Variants in ADAMTSL1 observed in about 807,000 individuals in gnomAD.
The protein encoded by ADAMTSL1 is ADAMTS-like protein 1.
ADAMTSL1 carries 126 observed loss-of-function variants against 201.8 expected under a neutral mutation model. That is an observed-to-expected ratio of 0.62 (90% CI 0.54 to 0.72). The LOEUF (loss-of-function observed/expected upper bound fraction) is 0.72. ADAMTSL1 is among the 30% of genes least tolerant of loss of function. The probability of loss-of-function intolerance (pLI) is 0.00; values close to 1 mark genes in which losing one functional copy is unlikely to be tolerated. For missense variants in ADAMTSL1, 2,679 were observed against 2,277.8 expected, an observed-to-expected ratio of 1.18 and a Z score of -3.59; for synonymous variants, 1,121 against 903.4, an observed-to-expected ratio of 1.24 and a Z score of -4.32.
At chr9:18,219,045 A>G (rs940011761) in intron 2 of ADAMTSL1, among the ~76,000 whole-genome samples, 1 of 151,940 alleles carries the variant, frequency 6.6e-6, no homozygotes, top group Admixed American at 6.5e-5. Context: ...ATAAATATGT[A>G]TGAATATATA....
chr9:18,656,652 G>GAAA (rs1828704020), intron 7 of ADAMTSL1, among the ~76,000 whole-genome samples: 1 of 126,648 alleles, frequency 7.9e-6, no homozygotes, highest in Non-Finnish European at 1.8e-5. Flanking sequence ...AAAAGAAAAT[G>GAAA]TTAAGACTGA....
At chr9:18,318,944 C>G (rs989973712) in intron 2 of ADAMTSL1, among the ~76,000 whole-genome samples, 2 of 152,194 alleles carry the variant, frequency 1.3e-5, no homozygotes, top group Admixed American at 6.5e-5. Flanking sequence ...CACAGTGGCT[C>G]ATGCCTGTAA....
intron 20 of ADAMTSL1, among the ~76,000 whole-genome samples, chr9:18,799,745 G>GTT (rs149540264): frequency 2.6e-5 from 4 of 152,004 alleles, no homozygotes; most frequent in Non-Finnish European, 4.4e-5. Context: ...TTCCTAGCAT[G>GTT]TTTTTTTGCT....
At chr9:18,546,545 T>C (rs1463645883) in intron 3 of ADAMTSL1, among the ~76,000 whole-genome samples, 1 of 152,146 alleles carries the variant, frequency 6.6e-6, no homozygotes, top group African/African-American at 2.4e-5. Flanking sequence ...GCATATTCAT[T>C]ACCAAAAAAA....
chr9:18,005,162 T>G (rs962276386), intron 1 of ADAMTSL1, among the ~76,000 whole-genome samples: 4 of 152,028 alleles, frequency 2.6e-5, no homozygotes, highest in African/African-American at 9.7e-5. Flanking sequence ...GAAAGCTTCT[T>G]AGGAGAAGTC....
At chr9:18,706,451 T>C (rs907503594) in intron 13 of ADAMTSL1, among the ~76,000 whole-genome samples, 1 of 152,166 alleles carries the variant, frequency 6.6e-6, no homozygotes, top group Admixed American at 6.5e-5. Context: ...AACCACCAAT[T>C]CCCTGCTTGG....
In ADAMTSL1 at chr9:18,813,961, C is replaced by G. The variant is rs576130072; in HGVS notation, c.3806-3148C>G. Among the ~76,000 whole-genome samples, 4 of 152,240 alleles carry G rather than the reference C, an allele frequency of 2.6e-5. No homozygotes were observed. The South Asian group carries it at 6.2e-4, about 24-fold the overall frequency. Reference sequence around the variant, plus strand: ...TTAGCTGTGGATTTGTCATATATGGCCTTTATATTCCTGAAGCCTTCTCAA... The same window carrying G: ...TTAGCTGTGGATTTGTCATATATGGGCTTTATATTCCTGAAGCCTTCTCAA... On this transcript the variant is annotated intron_variant, in intron 20 of 28. Transcript: ENST00000380548.
chr9:18,108,935 TA>T (rs1824881370), intron 1 of ADAMTSL1, among the ~76,000 whole-genome samples: 1 of 152,320 alleles, frequency 6.6e-6, no homozygotes, highest in African/African-American at 2.4e-5. Context: ...GGATATATTT[TA>T]TTGTTGTCCC....
chr9:18,592,639 T>C (rs891240262), intron 4 of ADAMTSL1, among the ~76,000 whole-genome samples: 6 of 152,316 alleles, frequency 3.9e-5, no homozygotes, highest in Middle Eastern at 3.4e-3. Flanking sequence ...GTAGTAAAAT[T>C]TGAAGTCAGA....
chr9:18,373,521 G>A (rs971970548), intron 2 of ADAMTSL1, among the ~76,000 whole-genome samples: 7 of 152,020 alleles, frequency 4.6e-5, no homozygotes, highest in Non-Finnish European at 8.8e-5. Context: ...GCCCTCGGAA[G>A]TTAGGAGTCA....
At chr9:18,281,665 C>T (rs920947302) in intron 2 of ADAMTSL1, among the ~76,000 whole-genome samples, 5 of 152,176 alleles carry the variant, frequency 3.3e-5, no homozygotes, top group Non-Finnish European at 5.9e-5. Flanking sequence ...ACTGGATGAA[C>T]GCCTCAAAGG....
intron 5 of ADAMTSL1, among the ~76,000 whole-genome samples, chr9:18,629,636 T>C (rs1826616994): frequency 6.6e-6 from 1 of 152,192 alleles, no homozygotes; most frequent in African/African-American, 2.4e-5. Context: ...TCTAGTTTGA[T>C]TCGGCAGTAT....
chr9:18,354,023 T>C (rs896627876), intron 2 of ADAMTSL1, among the ~76,000 whole-genome samples: 1 of 146,264 alleles, frequency 6.8e-6, no homozygotes, highest in African/African-American at 2.5e-5. Context: ...ATTACTTGTA[T>C]ATAGTTCCAG....
chr9:18,641,610 G>A (rs1413631354), intron 7 of ADAMTSL1, among the ~76,000 whole-genome samples: 4 of 151,944 alleles, frequency 2.6e-5, no homozygotes, highest in Non-Finnish European at 5.9e-5. Flanking sequence ...TCAAATAAAT[G>A]TAAAGTTATT....
At chr9:18,893,357 G>A (rs1297754026) in intron 26 of ADAMTSL1, among the ~76,000 whole-genome samples, 3 of 152,160 alleles carry the variant, frequency 2.0e-5, no homozygotes, top group Admixed American at 1.3e-4. Flanking sequence ...AAGGAGGGAC[G>A]TATGGTGCAC....
chr9:18,872,370 G>A (rs538357896), intron 23 of ADAMTSL1, among the ~76,000 whole-genome samples: 1 of 152,088 alleles, frequency 6.6e-6, no homozygotes, highest in Non-Finnish European at 1.5e-5. Flanking sequence ...GGGGGAACAG[G>A]TATTGTTTGG....
chr9:18,114,368 G>A (rs781004322), intron 1 of ADAMTSL1, among the ~76,000 whole-genome samples: 5 of 152,108 alleles, frequency 3.3e-5, no homozygotes, highest in African/African-American at 4.8e-5. Context: ...TTGACCTGAC[G>A]AGTTTGTGCT....
chr9:18,427,544 A>T (rs1269134551), intron 2 of ADAMTSL1, among the ~76,000 whole-genome samples: 1 of 152,234 alleles, frequency 6.6e-6, no homozygotes, highest in African/African-American at 2.4e-5. Flanking sequence ...TTAAGTTTTA[A>T]TCATTTTCTG....
intron 13 of ADAMTSL1, among the ~76,000 whole-genome samples, chr9:18,697,927 G>A (rs1034712117): frequency 6.6e-6 from 1 of 152,170 alleles, no homozygotes; most frequent in Non-Finnish European, 1.5e-5. Context: ...GGAAAAAATA[G>A]CAATGTGAAG....
Sources: gnomAD v4.1 joint callset for allele counts (sites outside exome capture counted in the v4.1 genomes callset) on GRCh38, gnomAD v4.1.1 for gene constraint, MANE v1.5 for transcripts, NCBI Gene and HGNC (gene_info 2026-07-23, HGNC 2026-07-21) for gene names.